CABCOCO1: variants seen among roughly 807,000 people sequenced by gnomAD.
The protein encoded by CABCOCO1 is ciliary-associated calcium-binding coiled-coil protein 1.
Under a neutral mutation model 35.7 loss-of-function variants are expected in CABCOCO1, and 28 were observed. The observed-to-expected ratio is 0.78, with a 90% confidence interval of 0.58 to 1.07. The LOEUF (loss-of-function observed/expected upper bound fraction) is 1.07, where lower values mean the gene tolerates loss of function less well. CABCOCO1 is among the 50% of genes least tolerant of loss of function. The pLI is 0.00. For synonymous variants in CABCOCO1, 95 were observed against 100.1 expected (o/e 0.95, Z 0.30); for missense variants, 326 against 309.2 (o/e 1.05, Z -0.41).
At chr10:61,719,815 G>A (rs1169620549) in intron 5 of CABCOCO1, among the ~76,000 whole-genome samples, 1 of 151,296 alleles carries the variant, frequency 6.6e-6, no homozygotes, top group Non-Finnish European at 1.5e-5. Context: ...CAGCTACTCT[G>A]GAGGCTGAGG....
intron 5 of CABCOCO1, among the ~76,000 whole-genome samples, chr10:61,691,825 A>G (rs1473189672): frequency 6.6e-6 from 1 of 152,054 alleles, no homozygotes; most frequent in African/African-American, 2.4e-5. Flanking sequence ...ACATGAACTC[A>G]TCCTTTTTTA....
chr10:61,709,370 CAG>C (rs575669104), intron 5 of CABCOCO1, among the ~76,000 whole-genome samples: 1 of 151,928 alleles, frequency 6.6e-6, no homozygotes, highest in African/African-American at 2.4e-5. Context: ...TGCTTAGAAA[CAG>C]AGCCATCAAA....
At chr10:61,745,150 T>C (rs910191310) in intron 5 of CABCOCO1, among the ~76,000 whole-genome samples, 4 of 152,196 alleles carry the variant, frequency 2.6e-5, no homozygotes, top group African/African-American at 9.7e-5. Flanking sequence ...GAGGTCTATT[T>C]GTATCCATCT....
intron 5 of CABCOCO1, among the ~76,000 whole-genome samples, chr10:61,710,704 G>A (rs574321984): frequency 1.6e-3 from 239 of 151,898 alleles, no homozygotes; most frequent in Non-Finnish European, 2.4e-3. Context: ...GATTTAAGAG[G>A]TCACAATCCT....
At position 61,765,957 on chromosome 10, in the gene CABCOCO1, C is replaced by G. The variant is rs150798723; in HGVS notation, c.835C>G (p.Leu279Val). ...IGIQTEINEK[L>V]QIQEEAFNAR... is the part of the protein sequence containing the mutation. Reference sequence around the variant, plus strand: ...TTCACAGACCGAGATAAACGAAAAACTGCAAATACAGGAAGAGGCCTTTAA... The same window carrying G: ...TTCACAGACCGAGATAAACGAAAAAGTGCAAATACAGGAAGAGGCCTTTAA... Residue 279 changes from leucine (L) to valine (V), a missense_variant, in exon 8 of 8, where the codon CTG (leucine) becomes GTG (valine). Physicochemically the swap from Leu to Val is conservative, Grantham distance 32. Coordinates refer to ENST00000648843, the MANE Select transcript of CABCOCO1 (RefSeq NM_001366906.2). The G allele has an allele frequency of 6.2e-7, 1 of 1,613,208 alleles. No individual in the cohort carries two copies. The highest frequency in any genetic ancestry group is 2.2e-5 in the East Asian group (1 of 44,850).
rs538010316 is a variant in CABCOCO1, at chr10:61,710,215, C to T, written c.552+19594C>T. Among the ~76,000 whole-genome samples, 13 of 150,496 alleles carry T rather than the reference C, an allele frequency of 8.6e-5. No individual in the cohort carries two copies. The South Asian group carries it at 2.3e-3, about 27-fold the overall frequency. On this transcript the variant is annotated intron_variant, in intron 5 of 7. Coordinates refer to ENST00000648843, the MANE Select transcript of CABCOCO1 (RefSeq NM_001366906.2). ...TCATTTCCACATACAGTTTTGTGAC[C>T]GGAGACTTGACATGCTGAATTAATG...
At chr10:61,699,555 G>A (rs1228959797) in intron 5 of CABCOCO1, among the ~76,000 whole-genome samples, 1 of 152,038 alleles carries the variant, frequency 6.6e-6, no homozygotes, top group African/African-American at 2.4e-5. Context: ...CTTGCAGTAT[G>A]AGGCTGTTCT....
intron 2 of CABCOCO1, among the ~76,000 whole-genome samples, chr10:61,675,206 C>T (rs1839476134): frequency 6.6e-6 from 1 of 152,256 alleles, no homozygotes; most frequent in Non-Finnish European, 1.5e-5. Context: ...ACCGCCATAG[C>T]CATCTCTCCC....
At chr10:61,690,465 G>A in intron 4 of CABCOCO1, 84 bp from the exon 5 acceptor site, 2 of 878,822 alleles carry the variant, frequency 2.3e-6, no homozygotes, top group Non-Finnish European at 3.6e-6. Flanking sequence ...TCAATATGAA[G>A]TTTCCTTTAA....
At chr10:61,725,487 T>A (rs140705678) in intron 5 of CABCOCO1, among the ~76,000 whole-genome samples, 1,921 of 152,166 alleles carry the variant, frequency 0.013, 33 homozygotes, top group African/African-American at 0.044. Context: ...GAAACCATCA[T>A]TCTGAGCAAA....
chr10:61,688,493 G>C (rs543990850), intron 4 of CABCOCO1, among the ~76,000 whole-genome samples: 1 of 152,072 alleles, frequency 6.6e-6, no homozygotes, highest in South Asian at 2.1e-4. Flanking sequence ...AAATCTAGTT[G>C]TACATTTTTA....
intron 5 of CABCOCO1, among the ~76,000 whole-genome samples, chr10:61,706,113 T>C (rs1162938039): frequency 6.6e-6 from 1 of 152,236 alleles, no homozygotes; most frequent in Non-Finnish European, 1.5e-5. Context: ...ATATAAATAA[T>C]AGTGTAACGA....
chr10:61,751,494 G>A (rs1017191642), intron 5 of CABCOCO1, among the ~76,000 whole-genome samples: 1 of 152,114 alleles, frequency 6.6e-6, no homozygotes, highest in Non-Finnish European at 1.5e-5. Context: ...TAACTGAGAA[G>A]CTGGTGATGC....
chr10:61,701,477 G>A (rs886302055), intron 5 of CABCOCO1, among the ~76,000 whole-genome samples: 8 of 152,098 alleles, frequency 5.3e-5, no homozygotes, highest in African/African-American at 1.9e-4. Flanking sequence ...AAAATGTCCA[G>A]GGTGATAACA....
At chr10:61,669,480 C>A (rs1002528937) in intron 1 of CABCOCO1, among the ~76,000 whole-genome samples, 3 of 151,758 alleles carry the variant, frequency 2.0e-5, no homozygotes, top group Non-Finnish European at 4.4e-5. Context: ...TCTATTATAT[C>A]TTTAATTTTT....
chr10:61,756,118 G>A (rs567748033), intron 5 of CABCOCO1, among the ~76,000 whole-genome samples: 1 of 151,982 alleles, frequency 6.6e-6, no homozygotes, highest in Non-Finnish European at 1.5e-5. Flanking sequence ...TCATACTGAC[G>A]AGTATTAAAT....
At position 61,760,872 on chromosome 10, in the gene CABCOCO1, C is replaced by A; in HGVS notation, c.685C>A (p.Gln229Lys). 6.2e-7 allele frequency: 1 copy of A among 1,611,644 alleles called. No homozygotes were observed. The highest frequency in any genetic ancestry group is 8.5e-7 in the Non-Finnish European group (1 of 1,178,784). The change falls in exon 7 of 8, where the codon CAA (glutamine) becomes AAA (lysine). Residue 229 changes from glutamine to lysine, a missense_variant. By Grantham distance (53) the Gln-to-Lys change is moderately conservative (BLOSUM62 1). Transcript: ENST00000648843. The part of the protein sequence containing the change: ...ILDTEMKRLD[Q>K]EQGPEESQPE... ...ACTTTCAATATTCTAGAGGTTGGAT[C>A]AAGAACAAGGCCCTGAGGAGTCTCA...
intron 2 of CABCOCO1, among the ~76,000 whole-genome samples, chr10:61,680,079 G>A (rs989379428): frequency 7.2e-5 from 11 of 151,822 alleles, no homozygotes; most frequent in African/African-American, 2.7e-4. Flanking sequence ...GAGAGGCCAA[G>A]GCGGGCAGAT....
intron 5 of CABCOCO1, among the ~76,000 whole-genome samples, chr10:61,721,850 T>C (rs1436526248): frequency 6.6e-6 from 1 of 152,012 alleles, no homozygotes; most frequent in African/African-American, 2.4e-5. Flanking sequence ...TCAACACCTG[T>C]GAAGAGAAGG....
Sources: allele counts gnomAD v4.1 joint callset (sites outside exome capture counted in the v4.1 genomes callset), GRCh38; gene constraint gnomAD v4.1.1; transcripts MANE v1.5; gene names NCBI Gene and HGNC (gene_info 2026-07-23, HGNC 2026-07-21).